TMEM87B: variants seen among roughly 807,000 people sequenced by gnomAD.
TMEM87B encodes the protein transmembrane protein 87B.
In TMEM87B, 83 loss-of-function variants were observed where a neutral mutation model predicts 80.3. That is an observed-to-expected ratio of 1.03 (90% CI 0.87 to 1.24). The LOEUF is 1.24. Ranked by LOEUF, TMEM87B falls within the 50% of genes most tolerant of loss-of-function variation. TMEM87B has a pLI of 0.00. For missense variants in TMEM87B, 625 were observed against 674.4 expected (o/e 0.93, Z 0.81); for synonymous variants, 219 against 230.5 (o/e 0.95, Z 0.45).
At chr2:112,103,939 C>G (rs1267823817) in intron 15 of TMEM87B, among the ~76,000 whole-genome samples, 2 of 152,038 alleles carry the variant, frequency 1.3e-5, no homozygotes, top group Non-Finnish European at 2.9e-5. Context: ...AGGAATAAAC[C>G]CATGCATGTG....
At chr2:112,071,081 T>C (rs1253397465) in intron 4 of TMEM87B, among the ~76,000 whole-genome samples, 15 of 151,796 alleles carry the variant, frequency 9.9e-5, no homozygotes, top group African/African-American at 3.1e-4. Context: ...CGCCTCGGCC[T>C]CCAAAGTGCT....
chr2:112,083,630 G>A (rs1679063704), intron 8 of TMEM87B, among the ~76,000 whole-genome samples: 1 of 152,172 alleles, frequency 6.6e-6, no homozygotes, highest in Admixed American at 6.5e-5. Flanking sequence ...GTCTGATTAG[G>A]GCAGACCTAG....
At chr2:112,113,294 A>G (rs1461504306) in intron 18 of TMEM87B, among the ~76,000 whole-genome samples, 1 of 152,210 alleles carries the variant, frequency 6.6e-6, no homozygotes, top group Non-Finnish European at 1.5e-5. Context: ...TGGATAGAGG[A>G]TGTGGATTTA....
chr2:112,107,714 A>G, intron 16 of TMEM87B, 74 bp from the exon 17 acceptor site: 2 of 704,024 alleles, frequency 2.8e-6, no homozygotes, highest in Non-Finnish European at 4.6e-6. Flanking sequence ...CACTTAAGTT[A>G]TATATATATT....
intron 4 of TMEM87B, among the ~76,000 whole-genome samples, chr2:112,072,968 C>T (rs556497696): frequency 5.7e-5 from 8 of 140,526 alleles, no homozygotes; most frequent in East Asian, 2.0e-4. Flanking sequence ...GGTGCAATCT[C>T]GGCTCACTGC....
chr2:112,096,986 GT>G (rs375042771), intron 11 of TMEM87B, 57 bp from the exon 12 acceptor site: 44,908 of 812,838 alleles, frequency 0.055, 9 homozygotes, highest in South Asian at 0.06. Context: ...AGAAGATTCT[GT>G]TTTTTTTTTT....
intron 8 of TMEM87B, among the ~76,000 whole-genome samples, chr2:112,084,972 T>C (rs1679101643): frequency 6.6e-6 from 1 of 152,254 alleles, no homozygotes; most frequent in Non-Finnish European, 1.5e-5. Flanking sequence ...TATTCACCCT[T>C]GCCATCAAAG....
rs746560458 is a variant in TMEM87B, at chr2:112,105,995, C to T, written c.1451-7C>T. ...TTTTATATATATGTTTATAATGTCT[C>T]TCGTAGCCGAAGGAATAAAATTAAG... On this transcript the variant is annotated splice_polypyrimidine_tract_variant and splice_region_variant and intron_variant, in intron 15 of 18. Transcript: ENST00000283206. 9 of 1,557,870 alleles carry T rather than the reference C, an allele frequency of 5.8e-6. No homozygotes were observed. The South Asian group carries it at 8.6e-5, about 15-fold the overall frequency.
chr2:112,104,022 G>A (rs999803802), intron 15 of TMEM87B, among the ~76,000 whole-genome samples: 13 of 152,042 alleles, frequency 8.6e-5, no homozygotes, highest in Admixed American at 6.6e-4. Flanking sequence ...AAATGGTACT[G>A]GAACAACTGG....
chr2:112,087,847 G>A (rs1399656078), intron 9 of TMEM87B, among the ~76,000 whole-genome samples: 1 of 152,070 alleles, frequency 6.6e-6, no homozygotes, highest in African/African-American at 2.4e-5. Context: ...AGGCCACCAT[G>A]ACCTCACCTG....
intron 4 of TMEM87B, among the ~76,000 whole-genome samples, chr2:112,067,388 A>G (rs1243909551): frequency 6.6e-6 from 1 of 152,162 alleles, no homozygotes; most frequent in Non-Finnish European, 1.5e-5. Context: ...TGGGTGGATC[A>G]CCTGTGGTCA....
chr2:112,086,152 C>A, intron 9 of TMEM87B, 48 bp downstream of exon 9: 1 of 1,458,150 alleles, frequency 6.9e-7, no homozygotes, highest in Non-Finnish European at 9.6e-7. Flanking sequence ...CCCAGTGATT[C>A]AGTCCGTCTA....
rs138682999 is a variant in TMEM87B at position 112,066,449 on chromosome 2, GTT to G, written c.319-486_319-485del. 5.1e-3 allele frequency among the ~76,000 whole-genome samples: 781 copies of G among 152,246 alleles called. 8 individuals are homozygous for G. The highest frequency in any genetic ancestry group is 0.018 in the African/African-American group (744 of 41,522). ...CTGGGAGCTGCCATTAAGGAGCCTG[GTT>G]CATTCATCCATTCAAGGATGCCAGG... is the stretch of plus-strand genomic sequence containing the variant. On this transcript the variant is annotated intron_variant, in intron 3 of 18. Transcript: ENST00000283206.
chr2:112,069,055 G>A (rs372089353), intron 4 of TMEM87B, among the ~76,000 whole-genome samples: 4 of 151,650 alleles, frequency 2.6e-5, no homozygotes, highest in East Asian at 2.0e-4. Flanking sequence ...AGCCGGGCGC[G>A]GTGGCGGGCG....
intron 14 of TMEM87B, among the ~76,000 whole-genome samples, chr2:112,099,875 C>T (rs1279933550): frequency 7.1e-6 from 1 of 141,828 alleles, no homozygotes; most frequent in Non-Finnish European, 1.5e-5. Context: ...AGAGCCAGAC[C>T]CTGTCTCAAA....
intron 6 of TMEM87B, among the ~76,000 whole-genome samples, chr2:112,080,816 T>C (rs894741831): frequency 3.3e-5 from 5 of 152,202 alleles, no homozygotes; most frequent in African/African-American, 1.2e-4. Context: ...AGACCAGTGT[T>C]ATGTAGTGTT....
In TMEM87B at chr2:112,118,727, C is replaced by G. The variant is rs1012785035; in HGVS notation, c.*2584C>G. 4 of 151,994 alleles carry G rather than the reference C, an allele frequency of 2.6e-5. No individual in the cohort carries two copies. The highest frequency in any genetic ancestry group is 9.7e-5 in the African/African-American group (4 of 41,372). 9.4% of individuals were successfully genotyped at this position (151,994 alleles called of 1,614,324 possible). A position where few individuals can be genotyped will look rare whatever the true frequency, so the allele number is the denominator to read the frequency against. ...CCTGTAGAAAATACCACCTTTTCCCCTTGTATTACAGTACAATGTTTACAT... is the reference window on the plus strand; with the variant it reads ...CCTGTAGAAAATACCACCTTTTCCCGTTGTATTACAGTACAATGTTTACAT... On this transcript the variant is annotated 3_prime_UTR_variant, in exon 19 of 19. Transcript: ENST00000283206.
intron 4 of TMEM87B, among the ~76,000 whole-genome samples, chr2:112,067,770 A>G (rs1384506365): frequency 6.6e-6 from 1 of 152,222 alleles, no homozygotes; most frequent in African/African-American, 2.4e-5. Context: ...AGCTCTAGTC[A>G]AAGTCACCAG....
intron 2 of TMEM87B, among the ~76,000 whole-genome samples, chr2:112,061,089 A>C (rs918277358): frequency 1.9e-4 from 29 of 152,366 alleles, no homozygotes; most frequent in African/African-American, 6.3e-4. Flanking sequence ...ATTGCTGGAC[A>C]ACATTTTAAT....
Sources: gnomAD v4.1 joint callset for allele counts (sites outside exome capture counted in the v4.1 genomes callset) on GRCh38, gnomAD v4.1.1 for gene constraint, MANE v1.5 for transcripts, NCBI Gene and HGNC (gene_info 2026-07-23, HGNC 2026-07-21) for gene names.